CDK13: variants seen among roughly 807,000 people sequenced by gnomAD.
The protein encoded by CDK13 is cyclin-dependent kinase 13.
In CDK13, 40 loss-of-function variants were observed where a neutral mutation model predicts 137.6. The observed-to-expected ratio is 0.29, with a 90% CI of 0.23 to 0.38. The LOEUF (loss-of-function observed/expected upper bound fraction) is 0.38, where lower values mean the gene tolerates loss of function less well. CDK13 is among the 10% of genes least tolerant of loss of function. CDK13 has a pLI of 1.00. For synonymous variants in CDK13, 869 were observed against 760.1 expected (o/e 1.14, Z -2.36); for missense variants, 1,704 against 1,951.8 (o/e 0.87, Z 2.39).
intron 6 of CDK13, 133 bp from the exon 7 acceptor site, chr7:40,047,688 A>T (rs942730794): frequency 1.3e-5 from 8 of 594,122 alleles, no homozygotes; most frequent in Non-Finnish European, 2.4e-5. Context: ...CCTTGATGAT[A>T]TTGCAGTGTG....
chr7:39,988,737 A>G (rs1784393775), intron 2 of CDK13, among the ~76,000 whole-genome samples: 1 of 152,084 alleles, frequency 6.6e-6, no homozygotes, highest in South Asian at 2.1e-4. Context: ...ATTAAAAAAA[A>G]ATTTTTTTAG....
chr7:40,049,964 A>G (rs1198192000), intron 7 of CDK13, among the ~76,000 whole-genome samples: 1 of 150,904 alleles, frequency 6.6e-6, no homozygotes, highest in South Asian at 2.1e-4. Context: ...TATATGCCAC[A>G]TTTTCCTTTT....
chr7:40,094,055 A>G (rs1378688301), intron 13 of CDK13, 75 bp from the exon 14 acceptor site: 2 of 1,512,690 alleles, frequency 1.3e-6, no homozygotes, highest in East Asian at 2.3e-5. Flanking sequence ...AACTACCTAC[A>G]GGAAACACTG....
chr7:40,054,317 G>T (rs1172552165), intron 7 of CDK13, among the ~76,000 whole-genome samples: 1 of 152,058 alleles, frequency 6.6e-6, no homozygotes, highest in Non-Finnish European at 1.5e-5. Flanking sequence ...ATTTTAAGCA[G>T]TTTGAAAGCT....
At chr7:39,999,804 G>A (rs990265579) in intron 4 of CDK13, among the ~76,000 whole-genome samples, 1 of 152,092 alleles carries the variant, frequency 6.6e-6, no homozygotes, top group Non-Finnish European at 1.5e-5. Flanking sequence ...TAATCAGAGG[G>A]AAAGGTATCT....
rs17537683 is a variant in CDK13 at position 39,951,999 on chromosome 7, G to A, written c.1211+147G>A. The stretch of plus-strand genomic sequence containing the variant: ...CGCCTGAGCCTCCCAGGAAGGATAG[G>A]CGTTTTCGCGCGCGTGACACTTTTT... On this transcript the variant is annotated intron_variant, in intron 1 of 13. Coordinates refer to ENST00000181839, the MANE Select transcript of CDK13 (RefSeq NM_003718.5). 2.7e-3 allele frequency: 2,216 copies of A among 807,586 alleles called. 27 individuals carry two copies. In the East Asian group the frequency reaches 0.043, roughly 16 times the overall value. 50.0% of individuals were successfully genotyped at this position (807,586 alleles called of 1,614,324 possible).
At chr7:40,030,422 ATTTTTTTTTTTTTTT>A (rs34922492) in intron 5 of CDK13, among the ~76,000 whole-genome samples, 1 of 66,010 alleles carries the variant, frequency 1.5e-5, no homozygotes, top group Non-Finnish European at 3.3e-5. Flanking sequence ...GCAACCACTG[ATTTTTTTTTTTTTTT>A]TTTTTTTTTT....
chr7:39,983,808 C>T lies in CDK13; in HGVS notation c.1212-3791C>T, dbSNP rs73383514. On this transcript the variant is annotated intron_variant, in intron 1 of 13. Transcript: ENST00000181839. The stretch of plus-strand genomic sequence containing the variant: ...TGTGGCTGAGTATTTCATGTTATGA[C>T]ACTTTTGGTTCCTATATTAAAGTTA... Among the ~76,000 whole-genome samples the T allele has an allele frequency of 2.6e-3, 402 of 152,298 alleles. 1 individual carries two copies. Among genetic ancestry groups the T allele is most frequent in the African/African-American group, 9.0e-3 (373 of 41,568 alleles).
chr7:40,061,156 A>G (rs1402447796), intron 7 of CDK13: 1 of 152,172 alleles, frequency 6.6e-6, no homozygotes, highest in East Asian at 1.9e-4. Flanking sequence ...TAGAGTAGCT[A>G]AAATTTGAAA....
At chr7:40,085,980 C>T (rs1786778330) in intron 11 of CDK13, among the ~76,000 whole-genome samples, 1 of 152,188 alleles carries the variant, frequency 6.6e-6, no homozygotes, top group Non-Finnish European at 1.5e-5. Flanking sequence ...CCCTTGCCTT[C>T]CTCCACCTGA....
At chr7:40,076,595 A>G (rs1786549624) in intron 9 of CDK13, among the ~76,000 whole-genome samples, 2 of 152,176 alleles carry the variant, frequency 1.3e-5, no homozygotes, top group African/African-American at 4.8e-5. Flanking sequence ...GACAAAAGAG[A>G]GTAGAACTAT....
chr7:40,055,445 C>T (rs1785992817), intron 7 of CDK13, among the ~76,000 whole-genome samples: 1 of 151,904 alleles, frequency 6.6e-6, no homozygotes, highest in African/African-American at 2.4e-5. Flanking sequence ...AAAAAAGCAT[C>T]GTATATGTAG....
intron 5 of CDK13, among the ~76,000 whole-genome samples, chr7:40,012,992 C>T (rs149986002): frequency 5.6e-4 from 85 of 151,786 alleles, no homozygotes; most frequent in African/African-American, 1.9e-3. Flanking sequence ...TCACAGTAGC[C>T]GCAAGGTGGA....
chr7:40,004,130 A>G (rs1784750326), intron 5 of CDK13, among the ~76,000 whole-genome samples: 1 of 152,154 alleles, frequency 6.6e-6, no homozygotes, highest in African/African-American at 2.4e-5. Flanking sequence ...ATTTTTTTTA[A>G]TAATCCTATT....
chr7:40,084,861 C>G (rs1466709217), intron 11 of CDK13, among the ~76,000 whole-genome samples: 1 of 152,122 alleles, frequency 6.6e-6, no homozygotes, highest in Non-Finnish European at 1.5e-5. Flanking sequence ...GCACAGAGGT[C>G]CAGTTATTTG....
intron 10 of CDK13, chr7:40,078,391 T>G (rs1157993261): frequency 6.4e-6 from 2 of 311,634 alleles, no homozygotes; most frequent in Non-Finnish European, 5.8e-6. Flanking sequence ...TTCAAGTTAC[T>G]TGAGCTCAAG....
intron 5 of CDK13, among the ~76,000 whole-genome samples, chr7:40,021,153 A>ACACACACACACACACACAC (rs781461656): frequency 4.0e-5 from 6 of 151,148 alleles, no homozygotes; most frequent in Non-Finnish European, 7.4e-5. Context: ...ACACACACAT[A>ACACACACACACACACACAC]AAGTTTTAAG....
Position 40,062,908 on chromosome 7 carries a change from A to G in CDK13, c.2683A>G (p.Ile895Val), listed in dbSNP as rs1471666981. Reference protein sequence around the residue: ...LLGEERYTPAIDVWSCGCILG... With the variant: ...LLGEERYTPAVDVWSCGCILG... ...GGGAGAAGAACGATACACACCAGCC[A>G]TTGATGTATGGAGCTGTGGGTAAGA... Residue 895 changes from isoleucine to valine, a missense_variant, in exon 8 of 14, where the codon ATT becomes GTT. Physicochemically the swap from Ile to Val is conservative, Grantham distance 29. Around this residue, in one of 5 missense-constraint regions of CDK13, gnomAD observed 130 missense variants for 362.4 expected, o/e 0.36. Coordinates refer to ENST00000181839, the MANE Select transcript of CDK13 (RefSeq NM_003718.5). 2 of 1,613,088 alleles carry G rather than the reference A, an allele frequency of 1.2e-6. No homozygotes were observed. Among genetic ancestry groups the G allele is most frequent in the Middle Eastern group, 1.6e-4 (1 of 6,084 alleles).
intron 5 of CDK13, among the ~76,000 whole-genome samples, chr7:40,036,173 TACACACAC>T (rs70996875): frequency 0.14 from 20,564 of 149,110 alleles, 4,627 homozygotes; most frequent in African/African-American, 0.47. Flanking sequence ...ATAAATAAAT[TACACACAC>T]ACACACACAC....
Sources: allele counts gnomAD v4.1 joint callset (sites outside exome capture counted in the v4.1 genomes callset), GRCh38; gene constraint gnomAD v4.1.1; regional missense constraint gnomAD v4.1.1; transcripts MANE v1.5; gene names NCBI Gene and HGNC (gene_info 2026-07-23, HGNC 2026-07-21).